KALRN: variants seen among roughly 807,000 people sequenced by gnomAD.
KALRN encodes kalirin RhoGEF kinase, also known as kalirin.
Under a neutral mutation model 353.7 loss-of-function variants are expected in KALRN, and 70 were observed. That is an observed-to-expected ratio of 0.20 (90% CI 0.16 to 0.24). The LOEUF is 0.24. KALRN is among the 10% of genes least tolerant of loss of function. The probability of loss-of-function intolerance (pLI) is 1.00; values close to 1 mark genes in which losing one functional copy is unlikely to be tolerated. For synonymous variants in KALRN, 1,391 were observed against 1,434.8 expected (o/e 0.97, Z 0.69); for missense variants, 2,791 against 3,756.7 (o/e 0.74, Z 6.72).
intron 6 of KALRN, among the ~76,000 whole-genome samples, chr3:124,317,738 A>AAAAAAAAAAAAAAAAAAAAG (rs2078948896): frequency 1.2e-5 from 1 of 83,718 alleles, no homozygotes; most frequent in Non-Finnish European, 2.4e-5. Flanking sequence ...AAAAAAAAAA[A>AAAAAAAAAAAAAAAAAAAAG]GGCGGGGGCT....
chr3:124,488,545 G>C, intron 29 of KALRN: 1 of 501,488 alleles, frequency 2.0e-6, no homozygotes, highest in Middle Eastern at 5.5e-4. Flanking sequence ...AGGTTATGTG[G>C]ACATGTTGCT....
At chr3:124,363,710 C>T (rs1319629838) in intron 10 of KALRN, among the ~76,000 whole-genome samples, 1 of 152,196 alleles carries the variant, frequency 6.6e-6, no homozygotes, top group Non-Finnish European at 1.5e-5. Flanking sequence ...TTTAACTGAA[C>T]TCTTGATGCC....
At chr3:124,457,291 G>T (rs1250664169) in intron 23 of KALRN, among the ~76,000 whole-genome samples, 1 of 151,906 alleles carries the variant, frequency 6.6e-6, no homozygotes, top group Admixed American at 6.6e-5. Flanking sequence ...GCTGGTCTCG[G>T]ACTCCTGACC....
chr3:124,120,237 A>G (rs2063838396), intron 1 of KALRN, among the ~76,000 whole-genome samples: 1 of 152,158 alleles, frequency 6.6e-6, no homozygotes, highest in Non-Finnish European at 1.5e-5. Context: ...TCCTGAGTTC[A>G]TGGTCCTTTG....
At chr3:124,496,012 T>TATATATACAC (rs1345047394) in intron 32 of KALRN, among the ~76,000 whole-genome samples, 24 of 43,660 alleles carry the variant, frequency 5.5e-4, no homozygotes, top group African/African-American at 1.6e-3. Flanking sequence ...TATATATATA[T>TATATATACAC]ACACACACAT....
intron 33 of KALRN, among the ~76,000 whole-genome samples, chr3:124,546,742 T>C (rs2069720883): frequency 6.6e-6 from 1 of 152,160 alleles, no homozygotes; most frequent in South Asian, 2.1e-4. Flanking sequence ...CTTGTAGGTC[T>C]CAGAGTCTAG....
chr3:124,684,464 C>T (rs2061471956), intron 51 of KALRN, among the ~76,000 whole-genome samples: 1 of 152,170 alleles, frequency 6.6e-6, no homozygotes, highest in Non-Finnish European at 1.5e-5. Flanking sequence ...ACCACAAAGG[C>T]AGTATCACAT....
chr3:124,342,327 C>T (rs911520541), intron 9 of KALRN, among the ~76,000 whole-genome samples: 7 of 152,112 alleles, frequency 4.6e-5, no homozygotes, highest in East Asian at 1.9e-4. Context: ...TCTCCCTTTC[C>T]GGTGTCCATT....
intron 14 of KALRN, 32 bp downstream of exon 14, chr3:124,413,697 G>A (rs1560858703): frequency 6.3e-7 from 1 of 1,580,170 alleles, no homozygotes; most frequent in East Asian, 2.2e-5. Flanking sequence ...CCTGGCAGAG[G>A]AGATGATGAA....
At chr3:124,413,225 T>C (rs1560855795) in intron 13 of KALRN, among the ~76,000 whole-genome samples, 1 of 152,190 alleles carries the variant, frequency 6.6e-6, no homozygotes, top group Non-Finnish European at 1.5e-5. Context: ...TAATTCATAA[T>C]ATGAATGTTT....
At chr3:124,099,687 TAA>T (rs1406915485) in intron 1 of KALRN, among the ~76,000 whole-genome samples, 1 of 152,224 alleles carries the variant, frequency 6.6e-6, no homozygotes, top group Non-Finnish European at 1.5e-5. Flanking sequence ...CAGCAGTGTA[TAA>T]GAGTTCCCTT....
At chr3:124,657,658 A>G (rs1458402169) in intron 40 of KALRN, 76 bp from the exon 41 acceptor site, 37 of 1,377,054 alleles carry the variant, frequency 2.7e-5, no homozygotes, top group Non-Finnish European at 3.5e-5. Context: ...AGTCTTCTGT[A>G]ATTCATCTTA....
At chr3:124,054,789 T>A (rs2041373888) in intron 1 of KALRN, among the ~76,000 whole-genome samples, 1 of 152,236 alleles carries the variant, frequency 6.6e-6, no homozygotes, top group African/African-American at 2.4e-5. Flanking sequence ...TTCCTGAGAA[T>A]GGTTATATAT....
At chr3:124,245,823 G>A (rs2081063130) in intron 3 of KALRN, among the ~76,000 whole-genome samples, 1 of 152,012 alleles carries the variant, frequency 6.6e-6, no homozygotes, top group Non-Finnish European at 1.5e-5. Flanking sequence ...CTTCTTTTGA[G>A]AAATGTCTAT....
chr3:124,607,314 A>AT (rs2077450214), intron 34 of KALRN, among the ~76,000 whole-genome samples: 4 of 151,134 alleles, frequency 2.6e-5, no homozygotes, highest in African/African-American at 9.7e-5. Context: ...CATAGTATAA[A>AT]CATTGTGCAA....
intron 13 of KALRN, among the ~76,000 whole-genome samples, chr3:124,403,829 C>T (rs935550364): frequency 6.6e-6 from 1 of 152,204 alleles, no homozygotes; most frequent in East Asian, 1.9e-4. Flanking sequence ...CAGGGAGACA[C>T]AGAAACAGAG....
chr3:124,352,153 A>T (rs924647079), intron 10 of KALRN, among the ~76,000 whole-genome samples: 5 of 152,248 alleles, frequency 3.3e-5, no homozygotes, highest in African/African-American at 9.6e-5. Flanking sequence ...GCCACCGAGT[A>T]GTTTTTAAGA....
At chr3:124,035,941 A>G (rs1389129965) in intron 1 of KALRN, among the ~76,000 whole-genome samples, 4 of 152,368 alleles carry the variant, frequency 2.6e-5, no homozygotes, top group South Asian at 4.1e-4. Flanking sequence ...AAGAGGGGGT[A>G]GGTCAAGGAC....
chr3:124,144,515 C>T (rs921236137), intron 1 of KALRN, among the ~76,000 whole-genome samples: 2 of 151,610 alleles, frequency 1.3e-5, no homozygotes, highest in Non-Finnish European at 2.9e-5. Context: ...CCTCATTGTC[C>T]TCCTTCTCCT....
Sources: allele counts gnomAD v4.1 joint callset (sites outside exome capture counted in the v4.1 genomes callset), GRCh38; gene constraint gnomAD v4.1.1; transcripts MANE v1.5; gene names NCBI Gene and HGNC (gene_info 2026-07-23, HGNC 2026-07-21).